Variants in MUC4 observed in about 807,000 individuals in gnomAD.
The protein encoded by MUC4 is mucin-4.
In MUC4, 202 loss-of-function variants were observed where a neutral mutation model predicts 257.9. The observed-to-expected ratio is 0.78, with a 90% CI of 0.70 to 0.88. The LOEUF is 0.88. Ranked by LOEUF, MUC4 falls within the 40% of genes least tolerant of loss-of-function variation. The pLI is 0.00. For synonymous variants in MUC4, 2,351 were observed against 2,757.1 expected, an observed-to-expected ratio of 0.85 and a Z score of 4.62; for missense variants, 5,976 against 6,513.7, an observed-to-expected ratio of 0.92 and a Z score of 2.84.
rs760176910 is a variant in MUC4, at chr3:195,754,389, G to A, written c.15169-17C>T. On this transcript the variant is annotated splice_polypyrimidine_tract_variant and intron_variant, in intron 18 of 24. Transcript: ENST00000463781. ...GCCAGCCACCTGGAGGAGGGTTGCC[G>A]ATCACGGGCGGCCAGGAGACCAAAC... 25 of 1,594,248 alleles carry A rather than the reference G, an allele frequency of 1.6e-5. No homozygotes were observed. Among genetic ancestry groups the A allele is most frequent in the South Asian group, 6.7e-5 (6 of 88,994 alleles).
At position 195,753,528 on chromosome 3, in the gene MUC4, C is replaced by T. The variant is rs73892858; in HGVS notation, c.15329-298G>A. 956 of 487,700 alleles carry T rather than the reference C, an allele frequency of 2.0e-3. 5 individuals are homozygous for T. Among genetic ancestry groups the T allele is most frequent in the African/African-American group, 0.018 (871 of 49,116 alleles). The allele number at this position is 487,700 out of a possible 1,614,324, so 30.2% of individuals were successfully genotyped here. On this transcript the variant is annotated intron_variant, in intron 19 of 24. Transcript: ENST00000463781. The stretch of plus-strand genomic sequence containing the variant: ...AGGGGCCCCCAGCTGGCTTTCCTCA[C>T]GCCCTCCCCTCTCACGTCCATCTCC...
chr3:195,759,629 GA>G (rs1466812506), intron 16 of MUC4, among the ~76,000 whole-genome samples: 1 of 152,178 alleles, frequency 6.6e-6, no homozygotes, highest in Non-Finnish European at 1.5e-5. Flanking sequence ...GCAAAGGGCT[GA>G]AAACCTGAAG....
intron 1 of MUC4, among the ~76,000 whole-genome samples, chr3:195,800,078 G>A (rs994355539): frequency 1.3e-5 from 2 of 152,096 alleles, no homozygotes; most frequent in Admixed American, 6.5e-5. Flanking sequence ...AGGAGTTCAA[G>A]ACCAGCCTGG....
At chr3:195,766,571 G>A (rs1280697956) in intron 8 of MUC4, 92 bp downstream of exon 8, 1 of 1,139,932 alleles carries the variant, frequency 8.8e-7, no homozygotes, top group South Asian at 1.3e-5. Context: ...CGTGATGTTA[G>A]GGAGGTGCCC....
At chr3:195,759,290 C>T (rs373294391) in intron 16 of MUC4, 29 bp from the exon 17 acceptor site, 34 of 1,609,686 alleles carry the variant, frequency 2.1e-5, no homozygotes, top group Admixed American at 6.7e-5. Flanking sequence ...ATGGGGGTTC[C>T]GAGGCAGGAC....
At position 195,778,840 on chromosome 3, in the gene MUC4, G is replaced by C; in HGVS notation, c.12740C>G (p.Thr4247Ser). The C allele has an allele frequency of 1.2e-6, 2 of 1,612,360 alleles. No individual in the cohort carries two copies. ...HATPLAVSSA[T>S]SASTVSSDSP... is the part of the protein sequence containing the mutation. ...GTCCGAGGATACTGTGGAAGCTGAG[G>C]TAGCACTGCTGACAGCAAGAGGGGT... is the stretch of plus-strand genomic sequence containing the variant. The change falls in exon 2 of 25, where the codon ACC (threonine) becomes AGC (serine). Residue 4247 changes from threonine (T) to serine (S), a missense_variant. By Grantham distance (58) the Thr-to-Ser change is moderately conservative. Coordinates refer to ENST00000463781, the MANE Select transcript of MUC4 (RefSeq NM_018406.7).
chr3:195,798,751 T>C (rs1734905524), intron 1 of MUC4, among the ~76,000 whole-genome samples: 1 of 152,216 alleles, frequency 6.6e-6, no homozygotes, highest in Non-Finnish European at 1.5e-5. Flanking sequence ...GTTTAACTTA[T>C]TCAGTATACA....
chr3:195,793,501 C>CA (rs63134260), intron 1 of MUC4, among the ~76,000 whole-genome samples: 29,610 of 132,126 alleles, frequency 0.22, 3,130 homozygotes, highest in South Asian at 0.35. Context: ...GATTCTGTCT[C>CA]AAAAAAAAAA....
At position 195,751,196 on chromosome 3, in the gene MUC4, G is replaced by A. The variant is rs1336185087; in HGVS notation, c.15647+11C>T. 1 of 1,592,964 alleles carries A rather than the reference G, an allele frequency of 6.3e-7. No homozygotes were observed. The highest frequency in any genetic ancestry group is 8.5e-7 in the Non-Finnish European group (1 of 1,169,736). On this transcript the variant is annotated intron_variant, in intron 22 of 24. Coordinates refer to ENST00000463781, the MANE Select transcript of MUC4 (RefSeq NM_018406.7). ...AGATCTGGGGGCTTAGGGGGACACA[G>A]TCCCACTTACATTCGTTCCACTTGG...
In MUC4 at chr3:195,789,898, G is replaced by A. The variant is rs182239289; in HGVS notation, c.1682C>T (p.Ala561Val). Residue 561 changes from alanine (A) to valine (V), a missense_variant, in exon 2 of 25, where the codon GCA becomes GTA. By Grantham distance (64) the Ala-to-Val change is moderately conservative. This residue lies in a region of MUC4 where 1,583 missense variants were observed against 1,257.4 expected (regional missense o/e 1.26). Transcript: ENST00000463781. ...HSTTLPKTTG[A>V]GAQTQWTQET... ...TTGTGTCCATTGTGTCTGGGCGCCT[G>A]CCCCTGTTGTTTTTGGGAGAGTTGT... The A allele has an allele frequency of 5.4e-5, 87 of 1,614,018 alleles. No individual in the cohort carries two copies. In the African/African-American group the frequency reaches 9.5e-4, roughly 18 times the overall value.
At chr3:195,807,258 C>T (rs1451940192) in intron 1 of MUC4, among the ~76,000 whole-genome samples, 2 of 152,218 alleles carry the variant, frequency 1.3e-5, no homozygotes, top group East Asian at 3.8e-4. Context: ...CACCTGAGGT[C>T]AGGAGTTCGA....
At chr3:195,754,530 G>A (rs1437217841) in intron 18 of MUC4, among the ~76,000 whole-genome samples, 158 bp from the exon 19 acceptor site, 1 of 152,252 alleles carries the variant, frequency 6.6e-6, no homozygotes, top group Non-Finnish European at 1.5e-5. Context: ...CAGGCCGTGG[G>A]GCGGCAAGGC....
At position 195,746,864 on chromosome 3, in the gene MUC4, G is replaced by A; in HGVS notation, c.*312C>T. 1 of 452,476 alleles carries A rather than the reference G, an allele frequency of 2.2e-6. No homozygotes were observed. The allele number at this position is 452,476 out of a possible 1,614,324, so 28.0% of individuals were successfully genotyped here. A position where few individuals can be genotyped will look rare whatever the true frequency, so the allele number is the denominator to read the frequency against. ...GCAGAAGCATTTTGCTTAACTTAGGGCCATCACCACATTATGAACTCGTGT... is the reference window on the plus strand; with the variant it reads ...GCAGAAGCATTTTGCTTAACTTAGGACCATCACCACATTATGAACTCGTGT... On this transcript the variant is annotated 3_prime_UTR_variant, in exon 25 of 25. Transcript: ENST00000463781.
chr3:195,778,687 C>T (rs779564699), intron 2 of MUC4, 103 bp downstream of exon 2: 897 of 1,381,418 alleles, frequency 6.5e-4, no homozygotes, highest in Admixed American at 7.5e-4. Flanking sequence ...TGACACGGCC[C>T]CACCAGGTAA....
In MUC4 at chr3:195,770,360, C is replaced by T. The variant is rs754643337; in HGVS notation, c.13254G>A (p.Thr4418=). The change falls in exon 6 of 25, where the codon ACG becomes ACA. Residue 4418 remains threonine (T), a synonymous_variant. Coordinates refer to ENST00000463781, the MANE Select transcript of MUC4 (RefSeq NM_018406.7). ...CTAGCAGGCTGTGTTCACCATAGAA[C>T]GTCTCGTATTCCTAGGAAAGGAGGG... ...RGTTFYQEYE[T]FYGEHSLLVQ... 13 of 1,613,658 alleles carry T rather than the reference C, an allele frequency of 8.1e-6. No individual in the cohort carries two copies. The highest frequency in any genetic ancestry group is 3.3e-4 in the Middle Eastern group (2 of 6,082).
chr3:195,795,290 C>T (rs1172135615), intron 1 of MUC4, among the ~76,000 whole-genome samples: 1 of 152,062 alleles, frequency 6.6e-6, no homozygotes, highest in East Asian at 1.9e-4. Flanking sequence ...CTTTTCAGAG[C>T]CTGCATCACC....
At position 195,789,169 on chromosome 3, in the gene MUC4, G is replaced by T; in HGVS notation, c.2411C>A (p.Thr804Asn). The change falls in exon 2 of 25, where the codon ACC becomes AAC. Residue 804 changes from threonine to asparagine, a missense_variant. By Grantham distance (65) the Thr-to-Asn change is moderately conservative. This residue lies in a region of MUC4 where 1,583 missense variants were observed against 1,257.4 expected (regional missense o/e 1.26). Transcript: ENST00000463781. ...GSRTTSAGTA[T>N]PSSSGASGTT... ...GCCACTCGCCCCGGATGAGGAAGGG[G>T]TAGCTGTGCCCGCTGAGGTGGTTCG... 1.2e-6 allele frequency: 2 copies of T among 1,613,884 alleles called. No individual in the cohort carries two copies. The highest frequency in any genetic ancestry group is 8.5e-7 in the Non-Finnish European group (1 of 1,179,866).
chr3:195,760,779 C>T, intron 16 of MUC4, 105 bp downstream of exon 16: 1 of 917,216 alleles, frequency 1.1e-6, no homozygotes, highest in Admixed American at 1.9e-5. Context: ...GTGGAAGAAT[C>T]TGCTCAGTGA....
intron 1 of MUC4, among the ~76,000 whole-genome samples, chr3:195,798,068 T>C (rs1361410106): frequency 1.3e-5 from 2 of 152,174 alleles, no homozygotes; most frequent in Admixed American, 6.5e-5. Context: ...CAGTGAGCTA[T>C]GATCACCCCA....
Sources: allele counts gnomAD v4.1 joint callset (sites outside exome capture counted in the v4.1 genomes callset), GRCh38; gene constraint gnomAD v4.1.1; regional missense constraint gnomAD v4.1.1; transcripts MANE v1.5; gene names NCBI Gene and HGNC (gene_info 2026-07-23, HGNC 2026-07-21).